Variants in COP1 observed in about 807,000 individuals in gnomAD.
COP1 encodes the protein E3 ubiquitin-protein ligase COP1.
COP1 carries 24 observed loss-of-function variants against 101.3 expected under a neutral mutation model. The observed-to-expected ratio is 0.24, with a 90% CI of 0.17 to 0.33. The LOEUF (loss-of-function observed/expected upper bound fraction) is 0.33. Among genes scored for constraint, COP1 ranks in the 10% least tolerant of loss-of-function variants. The pLI, the probability that COP1 is intolerant of heterozygous loss-of-function variation, is 1.00. For missense variants in COP1, 663 were observed against 906.2 expected (o/e 0.73, Z 3.45); for synonymous variants, 347 against 341.9 (o/e 1.01, Z -0.17).
rs185492154 is a variant in COP1 at position 176,193,679 on chromosome 1, T to C, written c.408-8987A>G. ...ACAACATGGATGAGCCTTAGAAACA[T>C]GTTAAGTGAAAGACATGGGATACAA... On this transcript the variant is annotated intron_variant, in intron 1 of 19. Transcript: ENST00000367669. Among the ~76,000 whole-genome samples, 394 of 152,182 alleles carry C rather than the reference T, an allele frequency of 2.6e-3. 1 individual carries two copies. The highest frequency in any genetic ancestry group is 9.0e-3 in the African/African-American group (373 of 41,510).
intron 14 of COP1, among the ~76,000 whole-genome samples, chr1:176,030,418 T>C (rs1374758207): frequency 6.6e-6 from 1 of 152,148 alleles, no homozygotes; most frequent in Non-Finnish European, 1.5e-5. Flanking sequence ...ATAACCCCAC[T>C]TATAATCACT....
chr1:176,131,025 T>C (rs1688800122), intron 8 of COP1, among the ~76,000 whole-genome samples: 1 of 151,800 alleles, frequency 6.6e-6, no homozygotes, highest in African/African-American at 2.4e-5. Context: ...GATAGTTACT[T>C]AACAGCTGAA....
intron 15 of COP1, among the ~76,000 whole-genome samples, chr1:175,997,000 AC>A (rs1168070581): frequency 1.3e-5 from 2 of 151,136 alleles, no homozygotes; most frequent in African/African-American, 4.8e-5. Flanking sequence ...TTCAAACTAT[AC>A]TACAAGGCTA....
intron 11 of COP1, among the ~76,000 whole-genome samples, chr1:176,047,812 T>A (rs1173260552): frequency 6.6e-6 from 1 of 152,174 alleles, no homozygotes; most frequent in Non-Finnish European, 1.5e-5. Flanking sequence ...CGGTGGCTCA[T>A]GCCTGCAATC....
At chr1:176,164,744 C>T (rs1257621169) in intron 3 of COP1, among the ~76,000 whole-genome samples, 2 of 152,004 alleles carry the variant, frequency 1.3e-5, no homozygotes, top group African/African-American at 4.8e-5. Context: ...ATTCTTTTCC[C>T]GTGAATCGAT....
At chr1:176,099,773 C>T (rs1683068904) in intron 9 of COP1, among the ~76,000 whole-genome samples, 1 of 152,138 alleles carries the variant, frequency 6.6e-6, no homozygotes, top group Non-Finnish European at 1.5e-5. Flanking sequence ...CCCTTGTCTA[C>T]ACAGCTGCTG....
In COP1 at chr1:176,097,227, G is replaced by GA. The variant is rs555240474; in HGVS notation, c.1027-11338dup. Among the ~76,000 whole-genome samples, 973 of 147,736 alleles carry GA rather than the reference G, an allele frequency of 6.6e-3. 13 individuals are homozygous for GA. Among genetic ancestry groups the GA allele is most frequent in the African/African-American group, 0.022 (874 of 40,288 alleles). On this transcript the variant is annotated intron_variant, in intron 9 of 19. Transcript: ENST00000367669. ...TTCTCTTCTAGGACCTTGTTTTGTT[G>GA]AAAAAAAAACGACTGAATTATTTTT...
chr1:176,151,168 A>G (rs1215263288), intron 5 of COP1, among the ~76,000 whole-genome samples: 1 of 151,914 alleles, frequency 6.6e-6, no homozygotes, highest in Non-Finnish European at 1.5e-5. Flanking sequence ...AAAACATGTA[A>G]TGATCATTTA....
chr1:176,184,822 A>G, intron 1 of COP1, 130 bp from the exon 2 acceptor site: 1 of 576,514 alleles, frequency 1.7e-6, no homozygotes, highest in Non-Finnish European at 3.0e-6. Flanking sequence ...TAAACATTCT[A>G]TCAATAAGAG....
At chr1:176,202,236 C>T (rs1700338938) in intron 1 of COP1, among the ~76,000 whole-genome samples, 1 of 136,926 alleles carries the variant, frequency 7.3e-6, no homozygotes, top group Admixed American at 8.2e-5. Flanking sequence ...GTCGTCCAGG[C>T]TGGAGTGCAG....
chr1:176,136,216 G>C (rs553028161), intron 7 of COP1, among the ~76,000 whole-genome samples: 1 of 152,078 alleles, frequency 6.6e-6, no homozygotes, highest in Admixed American at 6.6e-5. Context: ...AGTTATGATG[G>C]CACTCCAAGA....
intron 15 of COP1, among the ~76,000 whole-genome samples, chr1:175,999,781 CT>C (rs1380261691): frequency 6.6e-6 from 1 of 151,908 alleles, no homozygotes; most frequent in African/African-American, 2.4e-5. Flanking sequence ...TGTTTACTGC[CT>C]AACTTTTGGA....
At chr1:176,098,676 G>A (rs1393923854) in intron 9 of COP1, among the ~76,000 whole-genome samples, 1 of 152,104 alleles carries the variant, frequency 6.6e-6, no homozygotes, top group African/African-American at 2.4e-5. Context: ...ATTTGTAAAG[G>A]GTTATAAAAG....
chr1:175,974,352 G>A (rs1359998136), intron 18 of COP1, among the ~76,000 whole-genome samples: 1 of 152,194 alleles, frequency 6.6e-6, no homozygotes, highest in Non-Finnish European at 1.5e-5. Context: ...GGATAGGACT[G>A]TGCTTAAAAT....
At chr1:176,132,489 C>CT (rs1689037987) in intron 8 of COP1, among the ~76,000 whole-genome samples, 1 of 150,624 alleles carries the variant, frequency 6.6e-6, no homozygotes, top group East Asian at 2.0e-4. Context: ...TTACACAAAC[C>CT]AAGATGGGGG....
chr1:176,179,289 C>CAA (rs879402247), intron 2 of COP1, among the ~76,000 whole-genome samples: 1 of 101,070 alleles, frequency 9.9e-6, no homozygotes, highest in Non-Finnish European at 2.1e-5. Flanking sequence ...GACTCCGTCT[C>CAA]AAAAAAAAAA....
intron 11 of COP1, among the ~76,000 whole-genome samples, chr1:176,053,738 A>G (rs935725166): frequency 7.9e-5 from 12 of 152,168 alleles, no homozygotes; most frequent in African/African-American, 2.9e-4. Flanking sequence ...CTAAAAATCT[A>G]TGGAACCTAC....
At chr1:176,102,116 G>T (rs1488932519) in intron 9 of COP1, among the ~76,000 whole-genome samples, 1 of 152,050 alleles carries the variant, frequency 6.6e-6, no homozygotes, top group Non-Finnish European at 1.5e-5. Context: ...TGAGAGGATG[G>T]GGTGGGGCCT....
At chr1:176,096,827 G>A (rs1453092090) in intron 9 of COP1, among the ~76,000 whole-genome samples, 1 of 152,196 alleles carries the variant, frequency 6.6e-6, no homozygotes, top group African/African-American at 2.4e-5. Flanking sequence ...ATGGTAAGTA[G>A]CAAACTTTGC....
Sources: gnomAD v4.1 joint callset for allele counts (sites outside exome capture counted in the v4.1 genomes callset) on GRCh38, gnomAD v4.1.1 for gene constraint, MANE v1.5 for transcripts, NCBI Gene and HGNC (gene_info 2026-07-23, HGNC 2026-07-21) for gene names.